SNTG1: variants seen among roughly 807,000 people sequenced by gnomAD.
SNTG1 encodes gamma-1-syntrophin.
In SNTG1, 39 loss-of-function variants were observed where a neutral mutation model predicts 74.7. That is an observed-to-expected ratio of 0.52 (90% CI 0.40 to 0.68). The LOEUF (loss-of-function observed/expected upper bound fraction) is 0.68. SNTG1 is among the 30% of genes least tolerant of loss of function. The pLI is 0.00. For missense variants in SNTG1, 685 were observed against 609.5 expected (o/e 1.12, Z -1.30); for synonymous variants, 254 against 217.1 (o/e 1.17, Z -1.49).
At chr8:49,997,293 A>G (rs956231372) in intron 1 of SNTG1, among the ~76,000 whole-genome samples, 4 of 152,132 alleles carry the variant, frequency 2.6e-5, no homozygotes, top group Admixed American at 2.6e-4. Context: ...ATCGCTTTCC[A>G]TAAATTCTTT....
chr8:50,358,175 G>A lies in SNTG1; in HGVS notation c.-27-36037G>A, dbSNP rs183081103. 4.8e-3 allele frequency among the ~76,000 whole-genome samples: 736 copies of A among 152,196 alleles called. 4 individuals carry two copies. The highest frequency in any genetic ancestry group is 0.027 in the Middle Eastern group (8 of 294). On this transcript the variant is annotated intron_variant, in intron 2 of 18. Coordinates refer to ENST00000642720, the MANE Select transcript of SNTG1 (RefSeq NM_018967.5). ...CAAGGTTTCTCTCGGGAACCCATAG[G>A]CTCTTTTCAGAAGCACCTTGAACTT...
At chr8:50,276,397 ATATATATATAT>A (rs2088110690) in intron 2 of SNTG1, among the ~76,000 whole-genome samples, 5 of 87,640 alleles carry the variant, frequency 5.7e-5, no homozygotes, top group Admixed American at 2.6e-4. Context: ...ATATATATAT[ATATATATATAT>A]AAATCATATA....
chr8:50,534,562 C>A (rs2094294045), intron 10 of SNTG1, among the ~76,000 whole-genome samples: 1 of 152,140 alleles, frequency 6.6e-6, no homozygotes, highest in African/African-American at 2.4e-5. Context: ...AGGTGGATCA[C>A]CTGAGGTCAA....
chr8:50,079,315 A>ATT (rs1309432257), intron 1 of SNTG1, among the ~76,000 whole-genome samples: 24 of 152,090 alleles, frequency 1.6e-4, no homozygotes, highest in Admixed American at 1.5e-3. Flanking sequence ...ACCAGTGATA[A>ATT]TCAGCTTTTT....
intron 1 of SNTG1, among the ~76,000 whole-genome samples, chr8:49,934,699 C>A (rs1281967606): frequency 1.3e-5 from 2 of 152,070 alleles, no homozygotes; most frequent in Non-Finnish European, 2.9e-5. Flanking sequence ...GACATTTCAT[C>A]AAAAATACAG....
intron 2 of SNTG1, among the ~76,000 whole-genome samples, chr8:50,224,058 C>CA (rs1200054182): frequency 1.1e-4 from 17 of 151,544 alleles, no homozygotes; most frequent in Non-Finnish European, 2.1e-4. Flanking sequence ...ATCAAAAAAA[C>CA]AAAAAATATT....
At chr8:50,299,460 A>G (rs1004841921) in intron 2 of SNTG1, among the ~76,000 whole-genome samples, 1 of 152,150 alleles carries the variant, frequency 6.6e-6, no homozygotes, top group Admixed American at 6.6e-5. Flanking sequence ...GGAATCTTAC[A>G]AAGTTTTCAA....
chr8:50,271,860 A>G (rs1036639144), intron 2 of SNTG1, among the ~76,000 whole-genome samples: 6 of 152,194 alleles, frequency 3.9e-5, no homozygotes, highest in African/African-American at 1.2e-4. Flanking sequence ...CCTAGCTCCA[A>G]TGAAGGATTA....
At chr8:49,922,455 G>A (rs1001596435) in intron 1 of SNTG1, among the ~76,000 whole-genome samples, 2 of 152,092 alleles carry the variant, frequency 1.3e-5, no homozygotes, top group Non-Finnish European at 2.9e-5. Flanking sequence ...CACCACTGAT[G>A]AGGGCAGACA....
intron 1 of SNTG1, among the ~76,000 whole-genome samples, chr8:50,156,004 A>G (rs2082243460): frequency 1.3e-5 from 2 of 152,100 alleles, no homozygotes; most frequent in South Asian, 4.1e-4. Flanking sequence ...CAGTAAAGAA[A>G]AAAAGGGCAA....
At chr8:50,605,079 G>A (rs1040031062) in intron 13 of SNTG1, among the ~76,000 whole-genome samples, 1 of 152,128 alleles carries the variant, frequency 6.6e-6, no homozygotes, top group Admixed American at 6.5e-5. Context: ...ACTCTGCCCT[G>A]TGCCCTGTCC....
chr8:50,728,177 C>CTATT (rs1256943050), intron 17 of SNTG1, among the ~76,000 whole-genome samples: 1 of 152,170 alleles, frequency 6.6e-6, no homozygotes, highest in Non-Finnish European at 1.5e-5. Flanking sequence ...GATTCCAGGT[C>CTATT]TATTCCACCA....
chr8:49,976,312 C>G (rs938254994), intron 1 of SNTG1, among the ~76,000 whole-genome samples: 2 of 152,186 alleles, frequency 1.3e-5, no homozygotes, highest in African/African-American at 4.8e-5. Flanking sequence ...TTAAGTGCCT[C>G]AGACACAAAC....
chr8:50,465,089 C>T (rs2093598527), intron 8 of SNTG1, among the ~76,000 whole-genome samples: 1 of 152,094 alleles, frequency 6.6e-6, no homozygotes, highest in Non-Finnish European at 1.5e-5. Context: ...TCTATTCATA[C>T]ACATTTCTAT....
At position 50,077,614 on chromosome 8, in the gene SNTG1, A is replaced by G. The variant is rs1476531683; in HGVS notation, c.-102-94947A>G. Among the ~76,000 whole-genome samples, 4 of 152,192 alleles carry G rather than the reference A, an allele frequency of 2.6e-5. No homozygotes were observed. The East Asian group carries it at 5.8e-4, about 22-fold the overall frequency. ...AGATAAAATTCACCCATTGCAACAG[A>G]TAAGTTGTAATTTTTTAGCAATTTA... On this transcript the variant is annotated intron_variant, in intron 1 of 18. Transcript: ENST00000642720.
intron 8 of SNTG1, among the ~76,000 whole-genome samples, chr8:50,501,344 C>A (rs1015435665): frequency 7.2e-6 from 1 of 139,628 alleles, no homozygotes; most frequent in Non-Finnish European, 1.5e-5. Context: ...TTTCAGAGTT[C>A]TTATTTGGTT....
intron 8 of SNTG1, among the ~76,000 whole-genome samples, chr8:50,501,294 T>C (rs2093950184): frequency 6.6e-6 from 1 of 152,044 alleles, no homozygotes; most frequent in Non-Finnish European, 1.5e-5. Context: ...TGTCCAGTGC[T>C]GGCCTGAGAC....
chr8:50,460,161 TTTA>T (rs1293820704), intron 8 of SNTG1, among the ~76,000 whole-genome samples: 14 of 152,330 alleles, frequency 9.2e-5, no homozygotes, highest in African/African-American at 3.4e-4. Context: ...CTCTGCAGCC[TTTA>T]TTAACAGACA....
chr8:49,942,613 C>CATTT (rs1808799750), intron 1 of SNTG1, among the ~76,000 whole-genome samples: 1 of 152,156 alleles, frequency 6.6e-6, no homozygotes, highest in Non-Finnish European at 1.5e-5. Context: ...TAGTTATGAT[C>CATTT]ATTTCCCAGA....
Sources: allele counts gnomAD v4.1 joint callset (sites outside exome capture counted in the v4.1 genomes callset), GRCh38; gene constraint gnomAD v4.1.1; transcripts MANE v1.5; gene names NCBI Gene and HGNC (gene_info 2026-07-23, HGNC 2026-07-21).